KCNJ6: variants seen among roughly 807,000 people sequenced by gnomAD.
The protein encoded by KCNJ6 is G protein-activated inward rectifier potassium channel 2.
In KCNJ6, 9 loss-of-function variants were observed where a neutral mutation model predicts 34.2. The observed-to-expected ratio is 0.26, with a 90% CI of 0.16 to 0.46. The LOEUF (loss-of-function observed/expected upper bound fraction) is 0.46, where lower values mean the gene tolerates loss of function less well. Ranked by LOEUF, KCNJ6 falls within the 20% of genes least tolerant of loss-of-function variation. The pLI, the probability that KCNJ6 is intolerant of heterozygous loss-of-function variation, is 1.00. For synonymous variants in KCNJ6, 196 were observed against 207.1 expected, an observed-to-expected ratio of 0.95 and a Z score of 0.46; for missense variants, 236 against 531.3, an observed-to-expected ratio of 0.44 and a Z score of 5.46.
chr21:37,805,850 T>C (rs963953920), intron 2 of KCNJ6, among the ~76,000 whole-genome samples: 4 of 152,148 alleles, frequency 2.6e-5, no homozygotes, highest in African/African-American at 9.7e-5. Flanking sequence ...CAAGGATCTC[T>C]GTCAACCACG....
At chr21:37,812,152 G>C (rs1431035646) in intron 2 of KCNJ6, among the ~76,000 whole-genome samples, 3 of 152,102 alleles carry the variant, frequency 2.0e-5, no homozygotes, top group Non-Finnish European at 4.4e-5. Flanking sequence ...AAAATGCTCT[G>C]GTTATACCAC....
rs916004296 is a variant in KCNJ6 at position 37,675,607 on chromosome 21, T to C, written c.946+38604A>G. Among the ~76,000 whole-genome samples, 3 of 152,362 alleles carry C rather than the reference T, an allele frequency of 2.0e-5. No individual in the cohort carries two copies. The highest frequency in any genetic ancestry group is 2.0e-4 in the Admixed American group (3 of 15,312). ...CATCGCCCTGCCCTGAGCGGAATTC[T>C]CCGGCCCCAGGAGAGGCCGTGTGGC... On this transcript the variant is annotated intron_variant, in intron 3 of 3. Coordinates refer to ENST00000609713, the MANE Select transcript of KCNJ6 (RefSeq NM_002240.5). This position sits in a 1 kb window ranked among gnomAD's most constrained non-coding sequence, Gnocchi z 4.2.
At chr21:37,890,636 A>C (rs1451603893) in intron 1 of KCNJ6, among the ~76,000 whole-genome samples, 1 of 152,228 alleles carries the variant, frequency 6.6e-6, no homozygotes, top group Non-Finnish European at 1.5e-5. Flanking sequence ...TGTGTGAAAC[A>C]CATGCTGAGA....
In KCNJ6 at chr21:37,625,243, C is replaced by T; in HGVS notation, c.1188G>A (p.Glu396=). 6.2e-7 allele frequency: 1 copy of T among 1,614,232 alleles called. No individual in the cohort carries two copies. The highest frequency in any genetic ancestry group is 8.5e-7 in the Non-Finnish European group (1 of 1,180,036). ...CGAGGTTCTTTTCTTCCTCTTCAGT[C>T]TCCAGTTCTGCATGTTGGTTGAGTT... ...SSKLNQHAEL[E]TEEEEKNLEE... is the part of the protein sequence containing the mutation. The change falls in exon 4 of 4, where the codon GAG becomes GAA. Residue 396 remains glutamate, a synonymous_variant. Coordinates refer to ENST00000609713, the MANE Select transcript of KCNJ6 (RefSeq NM_002240.5).
At chr21:37,749,978 G>A (rs1033952445) in intron 2 of KCNJ6, among the ~76,000 whole-genome samples, 5 of 152,124 alleles carry the variant, frequency 3.3e-5, no homozygotes, top group African/African-American at 1.2e-4. Flanking sequence ...TCAGAGCTGG[G>A]CTAAAAAGTC....
intron 2 of KCNJ6, among the ~76,000 whole-genome samples, chr21:37,837,186 C>A (rs1396477015): frequency 6.6e-6 from 1 of 152,120 alleles, no homozygotes; most frequent in African/African-American, 2.4e-5. Flanking sequence ...ATCTACTTTT[C>A]TTCCCTTCTC....
chr21:37,792,438 C>A (rs937250007), intron 2 of KCNJ6, among the ~76,000 whole-genome samples: 2 of 152,184 alleles, frequency 1.3e-5, no homozygotes, highest in Admixed American at 6.5e-5. Flanking sequence ...TCTCTTTGCC[C>A]ATTTCCTTGA....
At chr21:37,718,602 T>G (rs1353490986) in intron 2 of KCNJ6, among the ~76,000 whole-genome samples, 1 of 147,904 alleles carries the variant, frequency 6.8e-6, no homozygotes, top group Non-Finnish European at 1.5e-5. Context: ...TTCTCATAGG[T>G]GGGAATTGAA....
intron 2 of KCNJ6, among the ~76,000 whole-genome samples, chr21:37,831,109 C>T (rs2055423853): frequency 6.6e-6 from 1 of 152,224 alleles, no homozygotes; most frequent in Non-Finnish European, 1.5e-5. Context: ...TCAGCCCTGT[C>T]AGCCTCAGAG....
chr21:37,619,464 G>A lies in KCNJ6; in HGVS notation c.*5695C>T, dbSNP rs1601389654. On this transcript the variant is annotated 3_prime_UTR_variant, in exon 4 of 4. Coordinates refer to ENST00000609713, the MANE Select transcript of KCNJ6 (RefSeq NM_002240.5). ...TGAGCTCTTTTCAAAGGACCTTTTG[G>A]TTTTCCATAAGAAGCATTTAGTTCT... 6.6e-6 allele frequency: 1 copy of A among 152,132 alleles called. No individual in the cohort carries two copies. The highest frequency in any genetic ancestry group is 2.4e-5 in the African/African-American group (1 of 41,420). The allele number at this position is 152,132 out of a possible 1,614,324, so 9.4% of individuals were successfully genotyped here.
At chr21:37,705,699 A>G (rs1294444167) in intron 3 of KCNJ6, among the ~76,000 whole-genome samples, 1 of 152,206 alleles carries the variant, frequency 6.6e-6, no homozygotes, top group Non-Finnish European at 1.5e-5. Context: ...GATAGTCAAG[A>G]GTGGAGACAG....
Position 37,678,128 on chromosome 21 carries a change from C to T in KCNJ6, c.946+36083G>A, listed in dbSNP as rs145990317. On this transcript the variant is annotated intron_variant, in intron 3 of 3. Transcript: ENST00000609713. The stretch of plus-strand genomic sequence containing the variant: ...CGGCTAACTTGGCGGGTGGTGGTGT[C>T]AGAGAAGATTTCAAAGAGGATGGGA... Among the ~76,000 whole-genome samples the T allele has an allele frequency of 5.8e-3, 889 of 152,062 alleles. 7 individuals carry two copies. The highest frequency in any genetic ancestry group is 0.019 in the African/African-American group (801 of 41,486).
At chr21:37,654,994 A>G (rs552969288) in intron 3 of KCNJ6, among the ~76,000 whole-genome samples, 2 of 152,290 alleles carry the variant, frequency 1.3e-5, no homozygotes, top group East Asian at 3.9e-4. Context: ...GCTCTTTCCC[A>G]TTAAACTTGA....
chr21:37,825,951 C>T (rs554048209), intron 2 of KCNJ6, among the ~76,000 whole-genome samples: 5 of 152,246 alleles, frequency 3.3e-5, no homozygotes, highest in East Asian at 1.9e-4. Context: ...TCCCATGATG[C>T]GTGGGAATTT....
intron 2 of KCNJ6, among the ~76,000 whole-genome samples, chr21:37,791,997 C>T (rs548446450): frequency 9.2e-5 from 14 of 152,186 alleles, no homozygotes; most frequent in Admixed American, 2.0e-4. Flanking sequence ...TTCCTTCAAA[C>T]GAATTGAGCA....
At chr21:37,768,825 T>C (rs989189242) in intron 2 of KCNJ6, among the ~76,000 whole-genome samples, 8 of 152,204 alleles carry the variant, frequency 5.3e-5, no homozygotes, top group Non-Finnish European at 1.0e-4. Flanking sequence ...CAAGATGAAA[T>C]AACACAAGTA....
At chr21:37,873,660 T>C (rs905373729) in intron 1 of KCNJ6, among the ~76,000 whole-genome samples, 1 of 152,128 alleles carries the variant, frequency 6.6e-6, no homozygotes, top group Admixed American at 6.5e-5. Flanking sequence ...GAAATAGAAA[T>C]ATGAGCAAAT....
chr21:37,655,230 A>T (rs1423720808), intron 3 of KCNJ6, among the ~76,000 whole-genome samples: 415 of 2,486 alleles, frequency 0.17, 8 homozygotes, highest in African/African-American at 0.37. Flanking sequence ...TGTGTGAGAG[A>T]GAGAGAGAGA....
At chr21:37,668,601 A>T (rs982476980) in intron 3 of KCNJ6, among the ~76,000 whole-genome samples, 6 of 152,122 alleles carry the variant, frequency 3.9e-5, no homozygotes, top group African/African-American at 1.4e-4. Context: ...GCAGATTGGG[A>T]GATACACCTC....
Sources: allele counts gnomAD v4.1 joint callset (sites outside exome capture counted in the v4.1 genomes callset), GRCh38; gene constraint gnomAD v4.1.1; non-coding constraint Gnocchi (gnomAD v3.1); transcripts MANE v1.5; gene names NCBI Gene and HGNC (gene_info 2026-07-23, HGNC 2026-07-21).